The following CSGALNACT2 variants were observed in gnomAD, a reference collection of about 807,000 sequenced individuals.
The protein encoded by CSGALNACT2 is beta 4 GalNAcT-2.
A neutral mutation model predicts 55.3 loss-of-function variants in CSGALNACT2; 35 were observed. The ratio of observed to expected loss-of-function variants is 0.63; its 90% CI spans 0.48 to 0.84. The LOEUF (loss-of-function observed/expected upper bound fraction) is 0.84. Ranked by LOEUF, CSGALNACT2 falls within the 40% of genes least tolerant of loss-of-function variation. CSGALNACT2 has a pLI of 0.00. For synonymous variants in CSGALNACT2, 196 were observed against 224.9 expected, an observed-to-expected ratio of 0.87 and a Z score of 1.15; for missense variants, 544 against 657.5, an observed-to-expected ratio of 0.83 and a Z score of 1.89.
chr10:43,154,371 A>G (rs887177283), intron 1 of CSGALNACT2, among the ~76,000 whole-genome samples: 3 of 152,248 alleles, frequency 2.0e-5, no homozygotes, highest in Non-Finnish European at 4.4e-5. Flanking sequence ...CTTTGATTCA[A>G]GTTATAGCTG....
At chr10:43,175,819 A>G (rs961134866) in intron 6 of CSGALNACT2, 132 bp from the exon 7 acceptor site, 15 of 758,228 alleles carry the variant, frequency 2.0e-5, no homozygotes, top group Middle Eastern at 3.4e-4. Context: ...ACATAAGTGC[A>G]TGTGATCCTT....
At position 43,164,281 on chromosome 10, in the gene CSGALNACT2, A is replaced by C. The variant is rs1163537322; in HGVS notation, c.1159+237A>C. Among the ~76,000 whole-genome samples, 10 of 152,218 alleles carry C rather than the reference A, an allele frequency of 6.6e-5. 1 individual carries two copies. The highest frequency in any genetic ancestry group is 6.5e-4 in the Admixed American group (10 of 15,280). On this transcript the variant is annotated intron_variant, in intron 5 of 7. Transcript: ENST00000374466. ...CTTCCAGTGACTACATTTGAAGCCAAATATGGAAATGCAGAGGAACAGGGT... is the reference window on the plus strand; with the variant it reads ...CTTCCAGTGACTACATTTGAAGCCACATATGGAAATGCAGAGGAACAGGGT...
intron 6 of CSGALNACT2, among the ~76,000 whole-genome samples, chr10:43,167,327 G>C (rs989309107): frequency 6.6e-6 from 1 of 150,946 alleles, no homozygotes; most frequent in African/African-American, 2.5e-5. Flanking sequence ...GCAGAGTTTA[G>C]GTCATAAAGG....
At chr10:43,144,080 A>G (rs1838690321) in intron 1 of CSGALNACT2, among the ~76,000 whole-genome samples, 1 of 152,204 alleles carries the variant, frequency 6.6e-6, no homozygotes, top group Non-Finnish European at 1.5e-5. Context: ...TTTGCTTTGT[A>G]AAAAATGAAC....
At chr10:43,166,049 GA>G (rs1256842857) in intron 5 of CSGALNACT2, among the ~76,000 whole-genome samples, 2 of 152,160 alleles carry the variant, frequency 1.3e-5, no homozygotes, top group African/African-American at 2.4e-5. Flanking sequence ...ATATGCAAAT[GA>G]TTGCCTTCTT....
At chr10:43,159,701 T>A (rs1241813864) in intron 3 of CSGALNACT2, among the ~76,000 whole-genome samples, 2 of 152,242 alleles carry the variant, frequency 1.3e-5, no homozygotes, top group African/African-American at 4.8e-5. Context: ...TAAAGTTTTT[T>A]TATGTTATCA....
intron 6 of CSGALNACT2, among the ~76,000 whole-genome samples, chr10:43,170,333 G>T (rs1253594089): frequency 1.3e-5 from 2 of 152,120 alleles, no homozygotes; most frequent in Non-Finnish European, 2.9e-5. Flanking sequence ...CGGAGAAATG[G>T]TTGATTCCAG....
chr10:43,162,366 G>GT (rs1471432468), intron 4 of CSGALNACT2: 45 of 1,210,274 alleles, frequency 3.7e-5, no homozygotes, highest in Non-Finnish European at 4.8e-5. Flanking sequence ...GCCAGGTTGG[G>GT]TGGGGGTATT....
intron 6 of CSGALNACT2, among the ~76,000 whole-genome samples, chr10:43,167,585 T>C (rs1021971292): frequency 7.9e-5 from 12 of 152,112 alleles, no homozygotes; most frequent in African/African-American, 2.9e-4. Flanking sequence ...AAATAAACAT[T>C]ATTTTATAAT....
At position 43,184,230 on chromosome 10, in the gene CSGALNACT2, TTAG is replaced by T. The variant is rs2133164522; in HGVS notation, c.*693_*695del. The T allele has an allele frequency of 6.6e-6, 1 of 152,368 alleles. No individual in the cohort carries two copies. Among genetic ancestry groups the T allele is most frequent in the African/African-American group, 2.4e-5 (1 of 41,590 alleles). The allele number at this position is 152,368 out of a possible 1,614,324, so 9.4% of individuals were successfully genotyped here. A position where few individuals can be genotyped will look rare whatever the true frequency, so the allele number is the denominator to read the frequency against. ...TACATTATCATGTTCAGGATTAGGA[TTAG>T]TAGTCAGTTGCTGTAAACTATTTTG... On this transcript the variant is annotated 3_prime_UTR_variant, in exon 8 of 8. Transcript: ENST00000374466.
chr10:43,169,367 A>C (rs11238462), intron 6 of CSGALNACT2, among the ~76,000 whole-genome samples: 2,870 of 152,372 alleles, frequency 0.019, 90 homozygotes, highest in African/African-American at 0.065. Context: ...TTAACACATG[A>C]GTATATGAAT....
intron 3 of CSGALNACT2, among the ~76,000 whole-genome samples, chr10:43,159,307 T>A (rs111343304): frequency 1.3e-5 from 2 of 150,264 alleles, no homozygotes; most frequent in African/African-American, 4.9e-5. Flanking sequence ...TTATTTTTAT[T>A]TTTTTTTTTG....
intron 6 of CSGALNACT2, among the ~76,000 whole-genome samples, chr10:43,173,992 CAAAAT>C (rs1252907493): frequency 6.6e-6 from 1 of 151,956 alleles, no homozygotes; most frequent in Non-Finnish European, 1.5e-5. Context: ...GACTCTGTCT[CAAAAT>C]AATAATAATA....
At chr10:43,154,249 C>A (rs1236546199) in intron 1 of CSGALNACT2, among the ~76,000 whole-genome samples, 1 of 151,982 alleles carries the variant, frequency 6.6e-6, no homozygotes, top group East Asian at 1.9e-4. Flanking sequence ...GGAAATGGTG[C>A]GGTAATTGAA....
rs927001394 is a variant in CSGALNACT2 at position 43,155,919 on chromosome 10, T to C, written c.661+109T>C. 16 of 963,040 alleles carry C rather than the reference T, an allele frequency of 1.7e-5. No individual in the cohort carries two copies. In the African/African-American group the frequency reaches 2.6e-4, roughly 16 times the overall value. The allele number at this position is 963,040 out of a possible 1,614,324, so 59.7% of individuals were successfully genotyped here. ...ACTGTAGACAAATGCTAGTATTGTA[T>C]TGTAGACAAATGTTAGTAATATAAG... On this transcript the variant is annotated intron_variant, in intron 2 of 7. Coordinates refer to ENST00000374466, the MANE Select transcript of CSGALNACT2 (RefSeq NM_018590.5).
intron 2 of CSGALNACT2, among the ~76,000 whole-genome samples, chr10:43,156,170 C>G (rs1216932166): frequency 6.6e-6 from 1 of 152,186 alleles, no homozygotes; most frequent in East Asian, 1.9e-4. Flanking sequence ...TAAACTAAAA[C>G]TCAAAACTTG....
chr10:43,174,293 T>C (rs1839438359), intron 6 of CSGALNACT2, among the ~76,000 whole-genome samples: 1 of 152,132 alleles, frequency 6.6e-6, no homozygotes. Flanking sequence ...GTTCATTATG[T>C]GTTTTCCTGT....
At chr10:43,163,592 C>T in intron 4 of CSGALNACT2, 13 of 985,320 alleles carry the variant, frequency 1.3e-5, no homozygotes, top group Non-Finnish European at 1.6e-5. Context: ...TTTCAACTCC[C>T]CAAAAGGTGT....
chr10:43,145,063 G>C (rs142943014), intron 1 of CSGALNACT2, among the ~76,000 whole-genome samples: 1 of 151,994 alleles, frequency 6.6e-6, no homozygotes, highest in African/African-American at 2.4e-5. Context: ...GTGGACCCTG[G>C]GTTGTTTCTG....
Sources: gnomAD v4.1 joint callset for allele counts (sites outside exome capture counted in the v4.1 genomes callset) on GRCh38, gnomAD v4.1.1 for gene constraint, MANE v1.5 for transcripts, NCBI Gene and HGNC (gene_info 2026-07-23, HGNC 2026-07-21) for gene names.